Variants in RAB11FIP4 observed in about 807,000 individuals in gnomAD.
RAB11FIP4 encodes RAB11 family interacting protein 4.
A neutral mutation model predicts 74.3 loss-of-function variants in RAB11FIP4; 23 were observed. The observed-to-expected ratio is 0.31, with a 90% CI of 0.22 to 0.44. The LOEUF (loss-of-function observed/expected upper bound fraction) is 0.44. Ranked by LOEUF, RAB11FIP4 falls within the 20% of genes least tolerant of loss-of-function variation. The probability of loss-of-function intolerance (pLI) is 1.00; values close to 1 mark genes in which losing one functional copy is unlikely to be tolerated. For missense variants in RAB11FIP4, 630 were observed against 863.9 expected, an observed-to-expected ratio of 0.73 and a Z score of 3.39; for synonymous variants, 360 against 359.9, an observed-to-expected ratio of 1.00 and a Z score of 0.00.
At chr17:31,484,628 C>T (rs1199594234) in intron 3 of RAB11FIP4, among the ~76,000 whole-genome samples, 1 of 152,028 alleles carries the variant, frequency 6.6e-6, no homozygotes, top group Non-Finnish European at 1.5e-5. Context: ...ATCCCCACCC[C>T]ACCCCCCACT....
chr17:31,537,553 G>C lies in RAB11FIP4; in HGVS notation c.*5821G>C. On this transcript the variant is annotated 3_prime_UTR_variant, in exon 15 of 15. Coordinates refer to ENST00000621161, the MANE Select transcript of RAB11FIP4 (RefSeq NM_032932.6). ...TCTTTAACCTGGGGCATTGGCCCCA[G>C]CAGGGATATCATGGGACCGCAGCCG... 1 of 206,752 alleles carries C rather than the reference G, an allele frequency of 4.8e-6. No individual in the cohort carries two copies. The highest frequency in any genetic ancestry group is 9.7e-6 in the Non-Finnish European group (1 of 103,566). 12.8% of individuals were successfully genotyped at this position (206,752 alleles called of 1,614,324 possible).
chr17:31,453,381 C>CAAAAAAAAAAA (rs1567661112), intron 3 of RAB11FIP4, among the ~76,000 whole-genome samples: 8 of 85,826 alleles, frequency 9.3e-5, no homozygotes, highest in African/African-American at 3.7e-4. Context: ...AAAAAAAAAA[C>CAAAAAAAAAAA]AAACCTGGGG....
chr17:31,437,403 C>T (rs762657101), intron 3 of RAB11FIP4, among the ~76,000 whole-genome samples: 26 of 152,116 alleles, frequency 1.7e-4, no homozygotes, highest in Admixed American at 3.9e-4. Context: ...TGGGCAGGTC[C>T]GAATTTCTCA....
intron 3 of RAB11FIP4, among the ~76,000 whole-genome samples, chr17:31,516,248 A>C (rs560318944): frequency 2.6e-4 from 39 of 151,008 alleles, no homozygotes; most frequent in African/African-American, 9.3e-4. Flanking sequence ...ACCATGTGGC[A>C]GCAGACTCTA....
intron 1 of RAB11FIP4, among the ~76,000 whole-genome samples, chr17:31,421,230 C>CT (rs200767789): frequency 0.089 from 13,373 of 151,066 alleles, 1,008 homozygotes; most frequent in East Asian, 0.32. Context: ...CTTTTCTTTT[C>CT]TTTTTTTTTG....
chr17:31,527,745 C>T, intron 10 of RAB11FIP4, 97 bp from the exon 11 acceptor site: 1 of 846,924 alleles, frequency 1.2e-6, no homozygotes, highest in Non-Finnish European at 1.9e-6. Context: ...TGGTATCTTT[C>T]CTCTGGGAGG....
intron 1 of RAB11FIP4, among the ~76,000 whole-genome samples, chr17:31,393,859 GCAATAA>G (rs1485343450): frequency 1.3e-5 from 2 of 152,006 alleles, no homozygotes; most frequent in Non-Finnish European, 2.9e-5. Flanking sequence ...AGTTTTCCTA[GCAATAA>G]CATGAAAGGG....
intron 3 of RAB11FIP4, among the ~76,000 whole-genome samples, chr17:31,497,577 G>A (rs2072141037): frequency 6.6e-6 from 1 of 152,124 alleles, no homozygotes; most frequent in African/African-American, 2.4e-5. Flanking sequence ...CGGAGAGAGA[G>A]GAGGAAGAGT....
At chr17:31,399,689 G>A (rs1206721831) in intron 1 of RAB11FIP4, among the ~76,000 whole-genome samples, 1 of 151,994 alleles carries the variant, frequency 6.6e-6, no homozygotes, top group Non-Finnish European at 1.5e-5. Flanking sequence ...CTCCAGCCTG[G>A]ATGACAGAGC....
At position 31,406,693 on chromosome 17, in the gene RAB11FIP4, G is replaced by A. The variant is rs138681454; in HGVS notation, c.159+14682G>A. 6.6e-5 allele frequency among the ~76,000 whole-genome samples: 10 copies of A among 152,116 alleles called. No homozygotes were observed. The East Asian group carries it at 1.2e-3, about 18-fold the overall frequency. ...TTCTTTCTGCATAAACTGTCCTATC[G>A]ATCTTTTTTCAGCATTTATCAAGGG... On this transcript the variant is annotated intron_variant, in intron 1 of 14. Coordinates refer to ENST00000621161, the MANE Select transcript of RAB11FIP4 (RefSeq NM_032932.6).
chr17:31,493,570 C>G (rs529117253), intron 3 of RAB11FIP4, among the ~76,000 whole-genome samples: 25 of 152,334 alleles, frequency 1.6e-4, no homozygotes, highest in Non-Finnish European at 2.2e-4. Context: ...GTCCCTGCCC[C>G]CTGCTCCCTC....
chr17:31,425,523 G>A (rs1473863794), intron 1 of RAB11FIP4, among the ~76,000 whole-genome samples: 2 of 152,184 alleles, frequency 1.3e-5, no homozygotes, highest in African/African-American at 2.4e-5. Flanking sequence ...CAACGGCAAC[G>A]AAGCTTTTTA....
At chr17:31,482,307 T>G (rs1364184930) in intron 3 of RAB11FIP4, among the ~76,000 whole-genome samples, 1 of 151,870 alleles carries the variant, frequency 6.6e-6, no homozygotes, top group African/African-American at 2.4e-5. Flanking sequence ...AATAAAAAAT[T>G]GGGGGCCAGG....
rs1293331836 is a variant in RAB11FIP4 at position 31,532,090 on chromosome 17, A to G, written c.*358A>G. 4.7e-6 allele frequency: 1 copy of G among 212,396 alleles called. No individual in the cohort carries two copies. Among genetic ancestry groups the G allele is most frequent in the African/African-American group, 2.3e-5 (1 of 44,088 alleles). The allele number at this position is 212,396 out of a possible 1,614,324, so 13.2% of individuals were successfully genotyped here. A position where few individuals can be genotyped will look rare whatever the true frequency, so the allele number is the denominator to read the frequency against. On this transcript the variant is annotated 3_prime_UTR_variant, in exon 15 of 15. Coordinates refer to ENST00000621161, the MANE Select transcript of RAB11FIP4 (RefSeq NM_032932.6). ...GTAAAATGATTCTACCTCTGGGGAT[A>G]AGGATTCACATTCGCTCTAGTACGA...
intron 1 of RAB11FIP4, among the ~76,000 whole-genome samples, chr17:31,416,060 G>A (rs767271980): frequency 2.1e-4 from 32 of 152,342 alleles, no homozygotes; most frequent in Non-Finnish European, 3.7e-4. Context: ...CCGAGGTCAC[G>A]CAGTGGTACC....
At chr17:31,404,230 C>T (rs79430074) in intron 1 of RAB11FIP4, among the ~76,000 whole-genome samples, 9,978 of 152,304 alleles carry the variant, frequency 0.066, 1,106 homozygotes, top group African/African-American at 0.23. Flanking sequence ...TTCCTGCATC[C>T]TCCTCGGCCT....
chr17:31,437,243 G>T (rs1246538949), intron 3 of RAB11FIP4, among the ~76,000 whole-genome samples: 2 of 152,140 alleles, frequency 1.3e-5, no homozygotes, highest in South Asian at 2.1e-4. Context: ...CTGCGTGTTG[G>T]CAGGGAGAGG....
At chr17:31,488,179 G>A in intron 3 of RAB11FIP4, 1 of 1,079,440 alleles carries the variant, frequency 9.3e-7, no homozygotes, top group Non-Finnish European at 1.1e-6. Flanking sequence ...TGCCCGCCGC[G>A]TCCCCGCGCG....
chr17:31,462,762 A>G (rs2071645322), intron 3 of RAB11FIP4, among the ~76,000 whole-genome samples: 1 of 151,752 alleles, frequency 6.6e-6, no homozygotes, highest in African/African-American at 2.4e-5. Context: ...TCAGCTTCCA[A>G]AGTAGCTGGG....
Sources: allele counts gnomAD v4.1 joint callset (sites outside exome capture counted in the v4.1 genomes callset), GRCh38; gene constraint gnomAD v4.1.1; transcripts MANE v1.5; gene names NCBI Gene and HGNC (gene_info 2026-07-23, HGNC 2026-07-21).